CIT: variants seen among roughly 807,000 people sequenced by gnomAD.
CIT encodes the protein citron rho-interacting serine/threonine kinase.
A neutral mutation model predicts 272.7 loss-of-function variants in CIT; 79 were observed. The ratio of observed to expected loss-of-function variants is 0.29; its 90% CI spans 0.24 to 0.35. CIT has a LOEUF of 0.35. Ranked by LOEUF, CIT falls within the 10% of genes least tolerant of loss-of-function variation. The pLI is 1.00. For missense variants in CIT, 1,909 were observed against 2,618.3 expected, an observed-to-expected ratio of 0.73 and a Z score of 5.91; for synonymous variants, 948 against 995.6, an observed-to-expected ratio of 0.95 and a Z score of 0.90.
chr12:119,805,074 A>G (rs965276724), intron 9 of CIT, among the ~76,000 whole-genome samples: 1 of 70,658 alleles, frequency 1.4e-5, no homozygotes, highest in African/African-American at 6.8e-5. Flanking sequence ...CTTTTTTAAT[A>G]GCAAAAAAAA....
intron 19 of CIT, among the ~76,000 whole-genome samples, chr12:119,761,689 C>A (rs575908548): frequency 1.3e-5 from 2 of 152,224 alleles, no homozygotes; most frequent in African/African-American, 4.8e-5. Flanking sequence ...GCCTCTTTCC[C>A]TGGTTCTTTC....
At chr12:119,858,156 C>T (rs1950224938) in intron 3 of CIT, among the ~76,000 whole-genome samples, 1 of 152,112 alleles carries the variant, frequency 6.6e-6, no homozygotes, top group Admixed American at 6.5e-5. Flanking sequence ...TCCCACTAGC[C>T]CAAGGTTCAT....
At chr12:119,835,660 G>T (rs887734825) in intron 5 of CIT, among the ~76,000 whole-genome samples, 1 of 152,140 alleles carries the variant, frequency 6.6e-6, no homozygotes, top group Non-Finnish European at 1.5e-5. Context: ...ACTCGGGGAT[G>T]TGAATTCTCA....
intron 4 of CIT, among the ~76,000 whole-genome samples, chr12:119,852,769 T>C (rs1970312702): frequency 6.6e-6 from 1 of 151,902 alleles, no homozygotes; most frequent in Non-Finnish European, 1.5e-5. Context: ...TATATGCATA[T>C]ATATGTAAAT....
Position 119,857,501 on chromosome 12 carries a change from CATG to C in CIT, c.414+19_414+21del. 1 of 1,612,582 alleles carries C rather than the reference CATG, an allele frequency of 6.2e-7. No homozygotes were observed. The highest frequency in any genetic ancestry group is 8.5e-7 in the Non-Finnish European group (1 of 1,179,098). ...CACTCCGGTACAGAAAGTGGAAAAG[CATG>C]ATGTTAAAATCCTCCTACCTGCTCC... On this transcript the variant is annotated intron_variant, in intron 4 of 47. Transcript: ENST00000392521.
chr12:119,759,641 G>A (rs562182515), intron 20 of CIT, among the ~76,000 whole-genome samples: 5 of 151,808 alleles, frequency 3.3e-5, no homozygotes, highest in Non-Finnish European at 5.9e-5. Context: ...GCAAGACTCC[G>A]TCTCAAAAAC....
At position 119,711,263 on chromosome 12, in the gene CIT, A is replaced by G. The variant is rs137956691; in HGVS notation, c.4855-643T>C. Among the ~76,000 whole-genome samples, 455 of 152,314 alleles carry G rather than the reference A, an allele frequency of 3.0e-3. 2 individuals are homozygous for G. Among genetic ancestry groups the G allele is most frequent in the African/African-American group, 0.01 (431 of 41,574 alleles). The stretch of plus-strand genomic sequence containing the variant: ...GTTTATTAGGAGTGAAGAGTCTGAA[A>G]AGAGCTGTTTGGTCTTCGCTGGAGC... On this transcript the variant is annotated intron_variant, in intron 37 of 47. Transcript: ENST00000392521.
rs373121131 is a variant in CIT, at chr12:119,713,509, G to A, written c.4446C>T (p.Pro1482=). 25 of 1,614,086 alleles carry A rather than the reference G, an allele frequency of 1.5e-5. No individual in the cohort carries two copies. In the African/African-American group the frequency reaches 3.2e-4, roughly 21 times the overall value. ...ACCCTTCCAGGTGCAAGCTGCTGCT[G>A]GGCTCCTTGGTCTGGAGACCTGGGG... ...MNSPGLQTKE[P]SSSLHLEGWM... The change falls in exon 34 of 48, where the codon CCC becomes CCT. Residue 1482 remains proline, a synonymous_variant. Coordinates refer to ENST00000392521, the MANE Select transcript of CIT (RefSeq NM_001206999.2). The surrounding 1 kb of genome is among the most constrained non-coding windows in gnomAD (Gnocchi z 5.2).
At chr12:119,857,095 A>G (rs1566133993) in intron 4 of CIT, among the ~76,000 whole-genome samples, 1 of 152,244 alleles carries the variant, frequency 6.6e-6, no homozygotes, top group Non-Finnish European at 1.5e-5. Flanking sequence ...CACATAACAA[A>G]GAATGTTATT....
chr12:119,784,368 G>A lies in CIT; in HGVS notation c.1402-317C>T, dbSNP rs934518397. ...TTGTTTTTGTTTTGTTTTTGCAGAC[G>A]TCACTTTAATTTTATCCCAAATCCA... On this transcript the variant is annotated intron_variant, in intron 11 of 47. Transcript: ENST00000392521. This position sits in a 1 kb window ranked among gnomAD's most constrained non-coding sequence, Gnocchi z 4.7. The A allele has an allele frequency of 7.8e-6, 10 of 1,278,824 alleles. No homozygotes were observed. The South Asian group carries it at 8.6e-5, about 11-fold the overall frequency. 79.2% of individuals were successfully genotyped at this position (1,278,824 alleles called of 1,614,324 possible).
chr12:119,698,180 A>C (rs962868870), intron 44 of CIT, 126 bp from the exon 45 acceptor site: 5 of 792,548 alleles, frequency 6.3e-6, no homozygotes, highest in African/African-American at 1.7e-5. Context: ...CAACAAATAC[A>C]TATCTATGCG....
rs149744847 is a variant in CIT, at chr12:119,862,382, T to C, written c.239-4684A>G. ...AAAATTGGCACACTATACAGCAATC[T>C]GTTGGCAGTGATTGTCTCAGGTAAG... On this transcript the variant is annotated intron_variant, in intron 3 of 47. Transcript: ENST00000392521. Among the ~76,000 whole-genome samples, 413 of 152,258 alleles carry C rather than the reference T, an allele frequency of 2.7e-3. 3 individuals are homozygous for C. The highest frequency in any genetic ancestry group is 9.2e-3 in the African/African-American group (383 of 41,556).
Position 119,690,332 on chromosome 12 carries a change from C to T in CIT, c.6005G>A (p.Arg2002His), listed in dbSNP as rs1174828844. Residue 2002 changes from arginine (R) to histidine (H), a missense_variant, in exon 47 of 48, where the codon CGC becomes CAC. Coordinates refer to ENST00000392521, the MANE Select transcript of CIT (RefSeq NM_001206999.2). The surrounding 1 kb of genome is among the most constrained non-coding windows in gnomAD (Gnocchi z 6.0). Reference protein sequence around the residue: ...PREPSTPHRYREGRTELRRDK... With the variant: ...PREPSTPHRYHEGRTELRRDK... Reference sequence around the variant, plus strand: ...CCTGCGCAGCTCGGTCCGCCCCTCGCGGTAGCGGTGGGGTGTGCTTGGCTC... The same window carrying T: ...CCTGCGCAGCTCGGTCCGCCCCTCGTGGTAGCGGTGGGGTGTGCTTGGCTC... 2.4e-5 allele frequency: 39 copies of T among 1,596,882 alleles called. No individual in the cohort carries two copies. The highest frequency in any genetic ancestry group is 3.1e-5 in the Non-Finnish European group (36 of 1,178,208).
intron 19 of CIT, among the ~76,000 whole-genome samples, chr12:119,766,759 C>T (rs928949616): frequency 6.0e-5 from 9 of 150,856 alleles, no homozygotes; most frequent in South Asian, 2.1e-4. Flanking sequence ...TATACACCTA[C>T]TATGTACCCA....
chr12:119,864,851 C>T (rs1161067583), intron 3 of CIT, among the ~76,000 whole-genome samples: 1 of 151,444 alleles, frequency 6.6e-6, no homozygotes, highest in African/African-American at 2.4e-5. Flanking sequence ...GATGCTCGTT[C>T]CCTTCCCTTC....
In CIT at chr12:119,876,103, G is replaced by A. The variant is rs775788626; in HGVS notation, c.66C>T (p.Ser22=). Residue 22 remains serine (S), a synonymous_variant, in exon 2 of 48, where the codon AGC becomes AGT. Transcript: ENST00000392521. The part of the protein sequence containing the change: ...LDAGAAEPIA[S]RASRLNLFFQ... The stretch of plus-strand genomic sequence containing the variant: ...AGAACAGATTCAGCCTGGAGGCCCG[G>A]CTGGCAATGGGTTCAGCAGCACCAG... The A allele has an allele frequency of 5.0e-6, 8 of 1,613,666 alleles. No individual in the cohort carries two copies. In the South Asian group the frequency reaches 5.5e-5, roughly 11 times the overall value.
chr12:119,852,248 G>T (rs1230716261), intron 4 of CIT, among the ~76,000 whole-genome samples: 1 of 152,040 alleles, frequency 6.6e-6, no homozygotes, highest in Non-Finnish European at 1.5e-5. Flanking sequence ...CTAAACATAA[G>T]CAACATCAGA....
At chr12:119,782,141 C>A in intron 13 of CIT, 1 of 154,942 alleles carries the variant, frequency 6.5e-6, no homozygotes, top group Non-Finnish European at 1.4e-5. Flanking sequence ...TATTGTTTTA[C>A]TTTTGATTTT....
chr12:119,773,804 A>G (rs575442094), intron 16 of CIT, among the ~76,000 whole-genome samples: 13 of 152,304 alleles, frequency 8.5e-5, no homozygotes, highest in Admixed American at 5.2e-4. Context: ...GCTCCCTCAC[A>G]CTTTGATTGG....
Sources: gnomAD v4.1 joint callset for allele counts (sites outside exome capture counted in the v4.1 genomes callset) on GRCh38, gnomAD v4.1.1 for gene constraint, Gnocchi (gnomAD v3.1) non-coding constraint, MANE v1.5 for transcripts, NCBI Gene and HGNC (gene_info 2026-07-23, HGNC 2026-07-21) for gene names.